The following EPB41 variants were observed in gnomAD, a reference collection of about 807,000 sequenced individuals.
The protein encoded by EPB41 is protein 4.1.
In EPB41, 65 loss-of-function variants were observed where a neutral mutation model predicts 108.0. That is an observed-to-expected ratio of 0.60 (90% confidence interval 0.49 to 0.74). EPB41 has a LOEUF of 0.74. EPB41 is among the 30% of genes least tolerant of loss of function. EPB41 has a pLI of 0.00. For synonymous variants in EPB41, 336 were observed against 358.9 expected (o/e 0.94, Z 0.72); for missense variants, 875 against 1,037.0 (o/e 0.84, Z 2.15).
At chr1:28,994,137 T>C (rs2096097813) in intron 3 of EPB41, among the ~76,000 whole-genome samples, 1 of 152,126 alleles carries the variant, frequency 6.6e-6, no homozygotes, top group Admixed American at 6.5e-5. Flanking sequence ...TCAGTTACTC[T>C]TTTTGCTCCT....
chr1:29,006,640 C>G (rs113908649), intron 4 of EPB41, among the ~76,000 whole-genome samples: 63 of 152,214 alleles, frequency 4.1e-4, no homozygotes, highest in African/African-American at 1.4e-3. Context: ...CTTCCAGTCA[C>G]TACCTCCAAC....
chr1:28,917,533 C>T (rs959369658), intron 1 of EPB41, among the ~76,000 whole-genome samples: 4 of 152,094 alleles, frequency 2.6e-5, no homozygotes, highest in African/African-American at 9.7e-5. Flanking sequence ...CCCGCCTCGG[C>T]CTTCCAAAGT....
intron 2 of EPB41, chr1:28,989,472 A>G (rs767995061): frequency 1.3e-5 from 11 of 829,720 alleles, no homozygotes; most frequent in African/African-American, 9.3e-5. Context: ...GTTGGGGGGA[A>G]AAAAGTAAAA....
At chr1:28,922,789 G>A (rs1042371053) in intron 1 of EPB41, among the ~76,000 whole-genome samples, 2 of 151,858 alleles carry the variant, frequency 1.3e-5, no homozygotes, top group Admixed American at 1.3e-4. Flanking sequence ...TACCATGCCC[G>A]GCTAATTTTT....
chr1:29,108,008 G>A (rs1574032127), intron 17 of EPB41, among the ~76,000 whole-genome samples: 1 of 119,500 alleles, frequency 8.4e-6, no homozygotes. Context: ...CAGCCTGGGT[G>A]ACAGAGCAAG....
At chr1:29,086,187 G>A (rs1055204384) in intron 16 of EPB41, among the ~76,000 whole-genome samples, 12 of 151,582 alleles carry the variant, frequency 7.9e-5, no homozygotes, top group African/African-American at 2.4e-4. Context: ...AGAAAGGTTA[G>A]GAAATAGAGA....
chr1:29,075,156 CAAA>C (rs397979778), intron 16 of EPB41, among the ~76,000 whole-genome samples: 2 of 97,568 alleles, frequency 2.0e-5, no homozygotes, highest in African/African-American at 4.2e-5. Context: ...GACTCCGTCT[CAAA>C]AAAAAAAAAA....
chr1:28,907,641 T>C (rs184768413), intron 1 of EPB41, among the ~76,000 whole-genome samples: 34 of 152,058 alleles, frequency 2.2e-4, no homozygotes, highest in Non-Finnish European at 4.4e-4. Context: ...AGACAGGGTC[T>C]TGCTCTGTCA....
chr1:28,923,515 C>A, intron 1 of EPB41, among the ~76,000 whole-genome samples: 1 of 152,244 alleles, frequency 6.6e-6, no homozygotes, highest in East Asian at 1.9e-4. Context: ...GCCATTCCGT[C>A]TCCTAAAGAT....
intron 1 of EPB41, among the ~76,000 whole-genome samples, chr1:28,923,533 A>G (rs963667317): frequency 6.6e-6 from 1 of 152,200 alleles, no homozygotes; most frequent in African/African-American, 2.4e-5. Context: ...GATGATGCCT[A>G]TAATGATTAA....
chr1:29,102,325 A>G (rs998182612), intron 17 of EPB41, among the ~76,000 whole-genome samples: 6 of 152,154 alleles, frequency 3.9e-5, no homozygotes, highest in African/African-American at 7.2e-5. Flanking sequence ...ATGGTGCACT[A>G]TGGTGGTACT....
chr1:29,043,441 T>C (rs1642231262), intron 11 of EPB41, among the ~76,000 whole-genome samples: 1 of 152,242 alleles, frequency 6.6e-6, no homozygotes, highest in Non-Finnish European at 1.5e-5. Context: ...GATGGAAATC[T>C]TTCATTTTGT....
chr1:28,943,414 A>C (rs1042124564), intron 1 of EPB41, among the ~76,000 whole-genome samples: 1 of 152,208 alleles, frequency 6.6e-6, no homozygotes, highest in Non-Finnish European at 1.5e-5. Context: ...GCACTTTGGG[A>C]GGCTGAGGTG....
intron 1 of EPB41, among the ~76,000 whole-genome samples, chr1:28,897,095 C>T (rs973739078): frequency 6.6e-6 from 1 of 152,180 alleles, no homozygotes; most frequent in African/African-American, 2.4e-5. Flanking sequence ...CCTGTGGCCA[C>T]CAGGGCCCAG....
chr1:29,115,731 G>C lies in EPB41; in HGVS notation c.2529G>C (p.Glu843Asp). ...TACAAGCCATCAAGGAGGCAAAGGA[G>C]CAGCACCCAGACATGTCAGTGACCA... Reference protein sequence around the residue: ...VLVQAIKEAKEQHPDMSVTKV... With the variant: ...VLVQAIKEAKDQHPDMSVTKV... Residue 843 changes from glutamate to aspartate, a missense_variant, in exon 20 of 21, where the codon GAG becomes GAC. Around this residue, in one of 3 missense-constraint regions of EPB41, gnomAD observed 519 missense variants for 627.3 expected, o/e 0.83. Coordinates refer to ENST00000343067, the MANE Select transcript of EPB41 (RefSeq NM_001376013.1). The surrounding 1 kb of genome is among the most constrained non-coding windows in gnomAD (Gnocchi z 4.4). 2 of 1,614,142 alleles carry C rather than the reference G, an allele frequency of 1.2e-6. No homozygotes were observed. Among genetic ancestry groups the C allele is most frequent in the Non-Finnish European group, 1.7e-6 (2 of 1,180,014 alleles).
intron 1 of EPB41, chr1:28,982,708 C>A: frequency 1.7e-6 from 1 of 571,748 alleles, no homozygotes; most frequent in Non-Finnish European, 3.2e-6. Context: ...CAGATGACTG[C>A]AGTTATATAA....
chr1:29,106,724 C>T (rs1404668561), intron 17 of EPB41, among the ~76,000 whole-genome samples: 2 of 150,876 alleles, frequency 1.3e-5, no homozygotes, highest in Non-Finnish European at 1.5e-5. Context: ...CAGGCGTTTG[C>T]CACCACACCT....
intron 4 of EPB41, among the ~76,000 whole-genome samples, chr1:29,010,821 A>G (rs1469586687): frequency 6.6e-6 from 1 of 152,222 alleles, no homozygotes; most frequent in Non-Finnish European, 1.5e-5. Flanking sequence ...GTGCTGATAT[A>G]GAAAACTTTG....
chr1:28,938,858 A>T (rs2094159965), intron 1 of EPB41, among the ~76,000 whole-genome samples: 1 of 152,228 alleles, frequency 6.6e-6, no homozygotes, highest in African/African-American at 2.4e-5. Context: ...CTTGCTTGTT[A>T]GAACTAGTAG....
Sources: gnomAD v4.1 joint callset for allele counts (sites outside exome capture counted in the v4.1 genomes callset) on GRCh38, gnomAD v4.1.1 for gene constraint, gnomAD v4.1.1 regional missense constraint, Gnocchi (gnomAD v3.1) non-coding constraint, MANE v1.5 for transcripts, NCBI Gene and HGNC (gene_info 2026-07-23, HGNC 2026-07-21) for gene names.